SENP6: variants seen among roughly 807,000 people sequenced by gnomAD.
The protein encoded by SENP6 is sentrin-specific protease 6.
In SENP6, 41 loss-of-function variants were observed where a neutral mutation model predicts 134.5. The observed-to-expected ratio is 0.30, with a 90% CI of 0.24 to 0.40. The LOEUF (loss-of-function observed/expected upper bound fraction) is 0.40, where lower values mean the gene tolerates loss of function less well. SENP6 is among the 10% of genes least tolerant of loss of function. SENP6 has a pLI of 1.00. For synonymous variants in SENP6, 395 were observed against 429.8 expected, an observed-to-expected ratio of 0.92 and a Z score of 1.00; for missense variants, 1,248 against 1,312.5, an observed-to-expected ratio of 0.95 and a Z score of 0.76.
intron 7 of SENP6, among the ~76,000 whole-genome samples, chr6:75,650,179 C>A (rs1414755297): frequency 2.0e-5 from 3 of 152,124 alleles, no homozygotes; most frequent in Non-Finnish European, 4.4e-5. Flanking sequence ...GCATTTGGGG[C>A]AAGACTTCCA....
At chr6:75,682,118 G>A (rs1445180128) in intron 16 of SENP6, among the ~76,000 whole-genome samples, 2 of 151,834 alleles carry the variant, frequency 1.3e-5, no homozygotes, top group East Asian at 1.9e-4. Flanking sequence ...AAACTTCTGA[G>A]GAAAGAAAAT....
intron 9 of SENP6, among the ~76,000 whole-genome samples, chr6:75,664,225 AG>A (rs1772012905): frequency 6.6e-6 from 1 of 151,936 alleles, no homozygotes; most frequent in South Asian, 2.1e-4. Flanking sequence ...CAGGAGTTGA[AG>A]TGTAGCCAGG....
At chr6:75,612,252 C>T (rs1320771290) in intron 1 of SENP6, among the ~76,000 whole-genome samples, 1 of 152,216 alleles carries the variant, frequency 6.6e-6, no homozygotes, top group Non-Finnish European at 1.5e-5. Flanking sequence ...CTTGATAGTT[C>T]TTAAGAAAGA....
chr6:75,609,520 G>A (rs561264240), intron 1 of SENP6, among the ~76,000 whole-genome samples: 192 of 152,264 alleles, frequency 1.3e-3, no homozygotes, highest in African/African-American at 4.5e-3. Flanking sequence ...ATAATTTGCA[G>A]CTATCTTTAA....
intron 3 of SENP6, among the ~76,000 whole-genome samples, chr6:75,628,472 C>G (rs1055835942): frequency 1.3e-5 from 2 of 151,940 alleles, no homozygotes; most frequent in Non-Finnish European, 2.9e-5. Flanking sequence ...GGAAATTTAT[C>G]TTTTAAAATG....
Position 75,654,256 on chromosome 6 carries a change from AAGT to A in SENP6, c.551-5004_551-5002del, listed in dbSNP as rs1440854486. Among the ~76,000 whole-genome samples the A allele has an allele frequency of 3.3e-5, 5 of 152,202 alleles. No individual in the cohort carries two copies. In the East Asian group the frequency reaches 9.6e-4, roughly 29 times the overall value. ...CTATCTCAAAAACAAAGCAAAACAT[AAGT>A]AAAGCTGAGTTTTGAATCACTGGAA... On this transcript the variant is annotated intron_variant, in intron 7 of 23. Transcript: ENST00000447266.
In SENP6 at chr6:75,709,527, A is replaced by G. The variant is rs781162209; in HGVS notation, c.2717A>G (p.Asp906Gly). Reference protein sequence around the residue: ...NESLSSTHHTDGLSKIRLNYS... With the variant: ...NESLSSTHHTGGLSKIRLNYS... The stretch of plus-strand genomic sequence containing the variant: ...TATGTAATGTTTCTTATTGATACAG[A>G]TGGCTTAAGCAAAATCAGACTAAAC... Residue 906 changes from aspartate (D) to glycine (G), a missense_variant and splice_region_variant, in exon 20 of 24, where the codon GAT becomes GGT. This residue lies in a region of SENP6 where 386 missense variants were observed against 395.0 expected (regional missense o/e 0.98). Coordinates refer to ENST00000447266, the MANE Select transcript of SENP6 (RefSeq NM_015571.4). 1.2e-6 allele frequency: 2 copies of G among 1,611,008 alleles called. No homozygotes were observed. The highest frequency in any genetic ancestry group is 2.2e-5 in the East Asian group (1 of 44,836).
chr6:75,655,752 A>G (rs912075187), intron 7 of SENP6, among the ~76,000 whole-genome samples: 3 of 152,216 alleles, frequency 2.0e-5, no homozygotes, highest in Non-Finnish European at 4.4e-5. Context: ...GTTTTTGTCT[A>G]TTAAGAATAA....
intron 19 of SENP6, among the ~76,000 whole-genome samples, chr6:75,705,500 C>G (rs779747745): frequency 6.6e-6 from 1 of 151,958 alleles, no homozygotes; most frequent in Non-Finnish European, 1.5e-5. Flanking sequence ...GCTGGGATCG[C>G]GCAACTGCAC....
intron 11 of SENP6, among the ~76,000 whole-genome samples, chr6:75,671,114 A>C (rs1035705927): frequency 2.6e-5 from 4 of 152,236 alleles, no homozygotes; most frequent in Non-Finnish European, 5.9e-5. Flanking sequence ...TCCTAGAAAT[A>C]GATTATTGTA....
At chr6:75,604,250 G>C (rs1172717551) in intron 1 of SENP6, among the ~76,000 whole-genome samples, 1 of 152,210 alleles carries the variant, frequency 6.6e-6, no homozygotes, top group Non-Finnish European at 1.5e-5. Flanking sequence ...AAGGGTCTTT[G>C]AATGTATAGG....
At chr6:75,617,263 CTTTTTTTTT>C (rs71002751) in intron 1 of SENP6, among the ~76,000 whole-genome samples, 39 of 58,098 alleles carry the variant, frequency 6.7e-4, no homozygotes, top group Middle Eastern at 0.019. Flanking sequence ...TTCTTTCTTT[CTTTTTTTTT>C]TTTTTTTTTT....
chr6:75,630,459 G>T (rs1178136212), intron 3 of SENP6, among the ~76,000 whole-genome samples: 1 of 152,180 alleles, frequency 6.6e-6, no homozygotes, highest in Non-Finnish European at 1.5e-5. Flanking sequence ...TGGATCAGGG[G>T]CTATGACTGA....
At chr6:75,698,129 A>G (rs1003009095) in intron 18 of SENP6, 4 of 152,214 alleles carry the variant, frequency 2.6e-5, no homozygotes, top group African/African-American at 9.7e-5. Context: ...GTAGTCGGAA[A>G]ACTTGGGTTT....
At chr6:75,681,372 G>A (rs571583821) in intron 16 of SENP6, among the ~76,000 whole-genome samples, 25 of 152,180 alleles carry the variant, frequency 1.6e-4, no homozygotes, top group Admixed American at 3.3e-4. Context: ...AGTTTCCTGA[G>A]GCCTCCACAG....
At chr6:75,644,700 G>T (rs1770298874) in intron 6 of SENP6, among the ~76,000 whole-genome samples, 1 of 152,142 alleles carries the variant, frequency 6.6e-6, no homozygotes, top group Non-Finnish European at 1.5e-5. Context: ...GGCCAGTCTG[G>T]CCGCGAACTC....
intron 16 of SENP6, chr6:75,679,804 C>G (rs1773339596): frequency 6.6e-6 from 1 of 152,120 alleles, no homozygotes; most frequent in South Asian, 2.1e-4. Context: ...GCATAGTTCT[C>G]TGTAATATTT....
chr6:75,607,836 T>C (rs1021704230), intron 1 of SENP6, among the ~76,000 whole-genome samples: 3 of 152,226 alleles, frequency 2.0e-5, no homozygotes, highest in South Asian at 2.1e-4. Context: ...ATATATAAAC[T>C]CATTGCAGAA....
chr6:75,621,469 A>C (rs1344582310), intron 1 of SENP6, 63 bp from the exon 2 acceptor site: 1 of 969,508 alleles, frequency 1.0e-6, no homozygotes, highest in African/African-American at 1.7e-5. Flanking sequence ...GGAAATGCAC[A>C]TATTTGTTTT....
Sources: allele counts gnomAD v4.1 joint callset (sites outside exome capture counted in the v4.1 genomes callset), GRCh38; gene constraint gnomAD v4.1.1; regional missense constraint gnomAD v4.1.1; transcripts MANE v1.5; gene names NCBI Gene and HGNC (gene_info 2026-07-23, HGNC 2026-07-21).